The following ITPR2 variants were observed in gnomAD, a reference collection of about 807,000 sequenced individuals.
ITPR2 encodes inositol 1,4,5-trisphosphate receptor type 2.
In ITPR2, 207 loss-of-function variants were observed where a neutral mutation model predicts 317.1. The ratio of observed to expected loss-of-function variants is 0.65; its 90% CI spans 0.58 to 0.73. The LOEUF is 0.73. Among genes scored for constraint, ITPR2 ranks in the 30% least tolerant of loss-of-function variants. The pLI is 0.00. For missense variants in ITPR2, 2,613 were observed against 3,284.0 expected, an observed-to-expected ratio of 0.80 and a Z score of 4.99; for synonymous variants, 1,156 against 1,149.1, an observed-to-expected ratio of 1.01 and a Z score of -0.12.
intron 54 of ITPR2, among the ~76,000 whole-genome samples, chr12:26,388,768 A>G (rs934789649): frequency 6.6e-6 from 1 of 152,200 alleles, no homozygotes; most frequent in Non-Finnish European, 1.5e-5. Flanking sequence ...ACATTATTGG[A>G]TATCTGTATG....
chr12:26,552,671 C>T (rs538005553), intron 36 of ITPR2, among the ~76,000 whole-genome samples: 1 of 152,276 alleles, frequency 6.6e-6, no homozygotes, highest in East Asian at 1.9e-4. Context: ...CTTTCTAAAA[C>T]TTCTACTATT....
At chr12:26,801,839 G>A (rs1950560541) in intron 1 of ITPR2, among the ~76,000 whole-genome samples, 1 of 151,362 alleles carries the variant, frequency 6.6e-6, no homozygotes, top group Admixed American at 6.6e-5. Flanking sequence ...ATTCTCATCT[G>A]CAAAATGAAA....
intron 2 of ITPR2, among the ~76,000 whole-genome samples, chr12:26,761,629 A>C (rs2137125980): frequency 6.6e-6 from 1 of 152,354 alleles, no homozygotes; most frequent in Non-Finnish European, 1.5e-5. Flanking sequence ...ACACATTTCT[A>C]CAAAAAACTT....
rs1216729973 is a variant in ITPR2 at position 26,340,298 on chromosome 12, G to A, written c.7888C>T (p.Arg2630Ter). 7 of 1,605,630 alleles carry A rather than the reference G, an allele frequency of 4.4e-6. No homozygotes were observed. The highest frequency in any genetic ancestry group is 3.4e-5 in the Admixed American group (2 of 58,850). The change falls in exon 56 of 57, where the codon CGA becomes TGA. Residue 2630 changes from arginine (R) to a stop codon, truncating the protein, a stop_gained. Transcript: ENST00000381340. LOFTEE classifies it high-confidence loss of function. Reference protein sequence around the residue: ...EKNLDWFPRMRAMSLVSNEGD... With the variant: ...EKNLDWFPRM ...TCATTGCTAACGAGGGACATGGCTC[G>A]CATCCGAGGAAACCAATCCAAATTC...
intron 8 of ITPR2, 139 bp from the exon 9 acceptor site, chr12:26,711,407 G>T: frequency 1.6e-6 from 1 of 617,876 alleles, no homozygotes; most frequent in Non-Finnish European, 2.9e-6. Context: ...GCATAATGTG[G>T]CAGAAAAACA....
chr12:26,620,648 T>G (rs1020365641), intron 26 of ITPR2, among the ~76,000 whole-genome samples: 1 of 152,190 alleles, frequency 6.6e-6, no homozygotes, highest in African/African-American at 2.4e-5. Flanking sequence ...CTCTTTAGAT[T>G]TTTGGTATTT....
chr12:26,808,523 T>C (rs559818965), intron 1 of ITPR2, among the ~76,000 whole-genome samples: 2 of 152,208 alleles, frequency 1.3e-5, no homozygotes, highest in Non-Finnish European at 2.9e-5. Context: ...GCAGTGTACA[T>C]GACAGACCAA....
Position 26,556,249 on chromosome 12 carries a change from C to T in ITPR2, c.4948G>A (p.Gly1650Ser). The T allele has an allele frequency of 6.2e-7, 1 of 1,613,660 alleles. No individual in the cohort carries two copies. The change falls in exon 36 of 57, where the codon GGC (glycine) becomes AGC (serine). Residue 1650 changes from glycine to serine, a missense_variant. Physicochemically the swap from Gly to Ser is moderately conservative, Grantham distance 56. Around this residue, in one of 9 missense-constraint regions of ITPR2, gnomAD observed 926 missense variants for 1,072.8 expected, o/e 0.86. Transcript: ENST00000381340. ...TCCACTTACTTCGACATGAAAGCGC[C>T]ACATCTTATTCTTGCATCGCTTCCC... Reference protein sequence around the residue: ...PEGSDARIRCGAFMSKLINHT... With the variant: ...PEGSDARIRCSAFMSKLINHT...
Position 26,495,180 on chromosome 12 carries a change from T to C in ITPR2, c.5154A>G (p.Gly1718=), listed in dbSNP as rs775973101. The C allele has an allele frequency of 6.2e-7, 1 of 1,606,376 alleles. No homozygotes were observed. Among genetic ancestry groups the C allele is most frequent in the East Asian group, 2.2e-5 (1 of 44,804 alleles). Residue 1718 remains glycine, a synonymous_variant, in exon 38 of 57, where the codon GGA becomes GGG. Coordinates refer to ENST00000381340, the MANE Select transcript of ITPR2 (RefSeq NM_002223.4). ...YSIGVNGHLS[G]AYSKTAQVGG... is the part of the protein sequence containing the mutation. ...CCACCTGTGCAGTTTTGGAGTAGGC[T>C]CCTGATAGGTGTCCATTCACACCAA... is the stretch of plus-strand genomic sequence containing the variant.
At chr12:26,595,789 C>T (rs1945827688) in intron 31 of ITPR2, among the ~76,000 whole-genome samples, 199 bp from the exon 32 acceptor site, 1 of 152,178 alleles carries the variant, frequency 6.6e-6, no homozygotes, top group Admixed American at 6.5e-5. Context: ...GGGCCTAGTA[C>T]TCCATCCCCC....
At position 26,336,822 on chromosome 12, in the gene ITPR2, C is replaced by T. The variant is rs1315628130; in HGVS notation, c.*2575G>A. 6.6e-6 allele frequency: 1 copy of T among 152,128 alleles called. No individual in the cohort carries two copies. Among genetic ancestry groups the T allele is most frequent in the African/African-American group, 2.4e-5 (1 of 41,428 alleles). The allele number at this position is 152,128 out of a possible 1,614,324, so 9.4% of individuals were successfully genotyped here. On this transcript the variant is annotated 3_prime_UTR_variant, in exon 57 of 57. Transcript: ENST00000381340. ...AAATACAAGGATGTTAACTGATACT[C>T]ACCTAAGTCAAATATTCCAGTTGCA...
chr12:26,590,428 A>G (rs908480837), intron 32 of ITPR2, among the ~76,000 whole-genome samples: 3 of 152,162 alleles, frequency 2.0e-5, no homozygotes, highest in African/African-American at 7.2e-5. Flanking sequence ...AGACACATAG[A>G]CCAATGGAAC....
intron 55 of ITPR2, among the ~76,000 whole-genome samples, chr12:26,355,767 G>C (rs1440353161): frequency 6.6e-6 from 1 of 151,800 alleles, no homozygotes; most frequent in Non-Finnish European, 1.5e-5. Flanking sequence ...CTCTCTACTG[G>C]TCTCTGAGCT....
chr12:26,426,143 A>T (rs1772479875), intron 49 of ITPR2, among the ~76,000 whole-genome samples: 2 of 151,866 alleles, frequency 1.3e-5, no homozygotes, highest in African/African-American at 2.4e-5. Flanking sequence ...AATGATTATT[A>T]TTTTTGGCCC....
At chr12:26,767,513 CAA>C (rs1949743607) in intron 2 of ITPR2, among the ~76,000 whole-genome samples, 3 of 152,260 alleles carry the variant, frequency 2.0e-5, no homozygotes, top group South Asian at 2.1e-4. Flanking sequence ...TTTGGAAAAT[CAA>C]AAGACTATAA....
At chr12:26,353,732 A>T (rs1366209030) in intron 55 of ITPR2, among the ~76,000 whole-genome samples, 1 of 152,228 alleles carries the variant, frequency 6.6e-6, no homozygotes, top group African/African-American at 2.4e-5. Context: ...ATACTTTGAC[A>T]GGATGTCACT....
intron 45 of ITPR2, among the ~76,000 whole-genome samples, chr12:26,456,251 A>G (rs1053939579): frequency 2.0e-5 from 3 of 152,196 alleles, no homozygotes; most frequent in Non-Finnish European, 4.4e-5. Flanking sequence ...CAAAACCAAG[A>G]TGGCAATGAA....
intron 46 of ITPR2, among the ~76,000 whole-genome samples, chr12:26,439,802 C>A (rs1941442483): frequency 6.6e-6 from 1 of 152,136 alleles, no homozygotes. Flanking sequence ...CGCTTTATAT[C>A]ATTAAAATGT....
chr12:26,653,985 G>GAA lies in ITPR2; in HGVS notation c.2729_2730dup (p.Gln911PhefsTer8). 5 of 1,609,436 alleles carry GAA rather than the reference G, an allele frequency of 3.1e-6. No individual in the cohort carries two copies. The highest frequency in any genetic ancestry group is 4.2e-6 in the Non-Finnish European group (5 of 1,177,168). On this transcript the variant is annotated frameshift_variant, in exon 21 of 57. Coordinates refer to ENST00000381340, the MANE Select transcript of ITPR2 (RefSeq NM_002223.4). LOFTEE classifies it high-confidence loss of function. ...TTCCCAAAATTCTTACCTCCATCTTGAAATTTGCTTAATCTTTCAAAGTAT... is the reference window on the plus strand; with the variant it reads ...TTCCCAAAATTCTTACCTCCATCTTGAAAAATTTGCTTAATCTTTCAAAGTAT...
Sources: gnomAD v4.1 joint callset for allele counts (sites outside exome capture counted in the v4.1 genomes callset) on GRCh38, gnomAD v4.1.1 for gene constraint, gnomAD v4.1.1 regional missense constraint, MANE v1.5 for transcripts, NCBI Gene and HGNC (gene_info 2026-07-23, HGNC 2026-07-21) for gene names.